EPC1: variants seen among roughly 807,000 people sequenced by gnomAD.
The protein encoded by EPC1 is enhancer of polycomb 1.
Under a neutral mutation model 98.4 loss-of-function variants are expected in EPC1, and 12 were observed. That is an observed-to-expected ratio of 0.12 (90% CI 0.08 to 0.20). The LOEUF (loss-of-function observed/expected upper bound fraction) is 0.20. Among genes scored for constraint, EPC1 ranks in the 10% least tolerant of loss-of-function variants. The pLI is 1.00. For missense variants in EPC1, 729 were observed against 990.5 expected (o/e 0.74, Z 3.54); for synonymous variants, 357 against 363.9 (o/e 0.98, Z 0.21).
intron 1 of EPC1, among the ~76,000 whole-genome samples, chr10:32,327,062 G>GACACACACACACACACAC (rs57395657): frequency 2.1e-5 from 3 of 142,268 alleles, no homozygotes; most frequent in Admixed American, 7.1e-5. Flanking sequence ...AAAATGTGGT[G>GACACACACACACACACAC]ACACACACAC....
chr10:32,363,714 T>TTG (rs1246607490), intron 1 of EPC1, among the ~76,000 whole-genome samples: 1 of 152,184 alleles, frequency 6.6e-6, no homozygotes, highest in Admixed American at 6.5e-5. Flanking sequence ...GGGGACACTA[T>TTG]TGTGTGTATT....
chr10:32,372,793 G>A (rs1038053500), intron 1 of EPC1, among the ~76,000 whole-genome samples: 1 of 152,216 alleles, frequency 6.6e-6, no homozygotes, highest in African/African-American at 2.4e-5. Context: ...AGCCGAGGCG[G>A]GTGGATCACC....
At chr10:32,313,035 T>G (rs1836340286) in intron 1 of EPC1, among the ~76,000 whole-genome samples, 1 of 152,184 alleles carries the variant, frequency 6.6e-6, no homozygotes, top group South Asian at 2.1e-4. Flanking sequence ...AATGAGAAGT[T>G]TGATAATTTA....
At position 32,273,248 on chromosome 10, in the gene EPC1, T is replaced by C; in HGVS notation, c.1778A>G (p.Gln593Arg). 6.2e-7 allele frequency: 1 copy of C among 1,614,048 alleles called. No homozygotes were observed. Among genetic ancestry groups the C allele is most frequent in the Non-Finnish European group, 8.5e-7 (1 of 1,179,874 alleles). Residue 593 changes from glutamine (Q) to arginine (R), a missense_variant, in exon 11 of 14, where the codon CAG becomes CGG. Coordinates refer to ENST00000319778, the MANE Select transcript of EPC1 (RefSeq NM_001272004.3). The part of the protein sequence containing the change: ...FTAEQYQQHQ[Q>R]QLALMQKQQL... ...CTGTTTCTGCATGAGTGCCAGTTGC[T>C]GTTGATGTTGCTGGTATTGTTCGGC...
chr10:32,289,949 A>G (rs931663332), intron 6 of EPC1, among the ~76,000 whole-genome samples: 3 of 152,250 alleles, frequency 2.0e-5, no homozygotes, highest in East Asian at 1.9e-4. Flanking sequence ...CAAAAAATGC[A>G]TAACGTACTT....
intron 13 of EPC1, among the ~76,000 whole-genome samples, chr10:32,270,437 G>C (rs1231572962): frequency 6.6e-6 from 1 of 152,102 alleles, no homozygotes; most frequent in East Asian, 1.9e-4. Flanking sequence ...ATTCTCAACT[G>C]TCTACTGAAA....
At chr10:32,314,516 TA>T (rs1280225491) in intron 1 of EPC1, among the ~76,000 whole-genome samples, 1 of 152,234 alleles carries the variant, frequency 6.6e-6, no homozygotes, top group African/African-American at 2.4e-5. Context: ...TATGTATTTT[TA>T]TTATTTGCAA....
chr10:32,343,655 T>C (rs1218161716), intron 1 of EPC1, among the ~76,000 whole-genome samples: 1 of 144,204 alleles, frequency 6.9e-6, no homozygotes, highest in African/African-American at 2.5e-5. Flanking sequence ...ATTAAAAAAA[T>C]AGATAAGTTC....
At chr10:32,312,521 TA>T (rs1264888188) in intron 1 of EPC1, among the ~76,000 whole-genome samples, 2 of 152,198 alleles carry the variant, frequency 1.3e-5, no homozygotes, top group Admixed American at 6.5e-5. Context: ...TATTTTTTCA[TA>T]GCATGTACCA....
chr10:32,369,306 T>A (rs1192965164), intron 1 of EPC1, among the ~76,000 whole-genome samples: 1 of 152,234 alleles, frequency 6.6e-6, no homozygotes, highest in Non-Finnish European at 1.5e-5. Flanking sequence ...ATCCAGGTAT[T>A]TTTCAATTGA....
intron 10 of EPC1, among the ~76,000 whole-genome samples, chr10:32,279,361 A>AG (rs1836280438): frequency 6.6e-6 from 1 of 151,824 alleles, no homozygotes; most frequent in Admixed American, 6.6e-5. Flanking sequence ...AAAAAAAAAA[A>AG]AAGAAAAAAA....
chr10:32,358,311 A>T (rs1413509723), intron 1 of EPC1, among the ~76,000 whole-genome samples: 1 of 152,208 alleles, frequency 6.6e-6, no homozygotes, highest in Non-Finnish European at 1.5e-5. Flanking sequence ...GTTATAAAGA[A>T]CACGTATAAT....
At chr10:32,312,446 C>G (rs1836295290) in intron 1 of EPC1, among the ~76,000 whole-genome samples, 1 of 152,202 alleles carries the variant, frequency 6.6e-6, no homozygotes, top group Non-Finnish European at 1.5e-5. Flanking sequence ...CCTATCTATA[C>G]AGAAAACAAT....
chr10:32,351,677 A>G (rs893172520), upstream of EPC1, among the ~76,000 whole-genome samples: 2 of 151,746 alleles, frequency 1.3e-5, no homozygotes, highest in African/African-American at 2.4e-5. Flanking sequence ...AAAAAAAATC[A>G]GCGTGTCTTT....
intron 2 of EPC1, among the ~76,000 whole-genome samples, chr10:32,298,079 G>A (rs1835281709): frequency 6.6e-6 from 1 of 152,176 alleles, no homozygotes; most frequent in Non-Finnish European, 1.5e-5. Flanking sequence ...TTACAGGCGT[G>A]AGCCACCGCG....
chr10:32,374,671 T>A (rs1356432386), intron 1 of EPC1, among the ~76,000 whole-genome samples: 1 of 152,124 alleles, frequency 6.6e-6, no homozygotes, highest in African/African-American at 2.4e-5. Flanking sequence ...AAAAAATATT[T>A]TTTTTCTAAA....
chr10:32,354,757 A>AT (rs1245597613), intron 1 of EPC1, among the ~76,000 whole-genome samples: 2 of 152,098 alleles, frequency 1.3e-5, no homozygotes, highest in Non-Finnish European at 2.9e-5. Context: ...CTTCATCTGT[A>AT]TTTACAGCCA....
At chr10:32,297,387 T>C (rs1592563881) in intron 2 of EPC1, among the ~76,000 whole-genome samples, 1 of 151,618 alleles carries the variant, frequency 6.6e-6, no homozygotes, top group East Asian at 2.0e-4. Flanking sequence ...GTTCAAGCGA[T>C]ATTCCTGCCT....
At chr10:32,305,419 GACTCTCACTT>G (rs1252156045) in intron 2 of EPC1, among the ~76,000 whole-genome samples, 16 of 152,052 alleles carry the variant, frequency 1.1e-4, no homozygotes, top group Non-Finnish European at 2.4e-4. Flanking sequence ...AAAGTCTGCT[GACTCTCACTT>G]ACATCAAGAA....
Sources: allele counts gnomAD v4.1 joint callset (sites outside exome capture counted in the v4.1 genomes callset), GRCh38; gene constraint gnomAD v4.1.1; transcripts MANE v1.5; gene names NCBI Gene and HGNC (gene_info 2026-07-23, HGNC 2026-07-21).